The following F8 variants were observed in gnomAD, a reference collection of about 807,000 sequenced individuals.
F8 encodes coagulation factor VIII.
Under a neutral mutation model 140.6 loss-of-function variants are expected in F8, and 12 were observed. The ratio of observed to expected loss-of-function variants is 0.09; its 90% confidence interval spans 0.05 to 0.14. F8 has a LOEUF of 0.14. Among genes scored for constraint, F8 ranks in the 10% least tolerant of loss-of-function variants. F8 has a pLI of 1.00. For missense variants in F8, 1,354 were observed against 1,720.7 expected (o/e 0.79, Z 3.77); for synonymous variants, 585 against 614.6 (o/e 0.95, Z 0.71).
At chrX:154,955,411 G>A (rs1436087303) in intron 11 of F8, among the ~76,000 whole-genome samples, 5 of 100,459 alleles carry the variant, frequency 5.0e-5, no homozygotes, top group African/African-American at 1.1e-4. Context: ...CTCCTGTCTC[G>A]GCCTCCCAAA....
chrX:154,956,880 A>C, intron 11 of F8, 77 bp downstream of exon 11: 1 of 875,454 alleles, frequency 1.1e-6, no homozygotes, highest in Non-Finnish European at 1.7e-6. Flanking sequence ...TATATTGCAA[A>C]CCATTATATT....
At chrX:154,983,255 T>C (rs1557283904) in intron 6 of F8, among the ~76,000 whole-genome samples, 1 of 112,504 alleles carries the variant, frequency 8.9e-6, no homozygotes, top group Admixed American at 9.4e-5. Flanking sequence ...TTTTTATTGA[T>C]GTAAAATATA....
chrX:154,844,636 G>A (rs782449165), intron 25 of F8, among the ~76,000 whole-genome samples: 36 of 111,423 alleles, frequency 3.2e-4, no homozygotes, highest in African/African-American at 1.0e-3. Flanking sequence ...TTTGCACATT[G>A]ATTTTGTATC....
In F8 at chrX:154,930,767, G is replaced by T; in HGVS notation, c.3023C>A (p.Ala1008Asp). The T allele has an allele frequency of 1.7e-6, 2 of 1,210,168 alleles. No individual in the cohort carries two copies. Among genetic ancestry groups the T allele is most frequent in the Non-Finnish European group, 2.2e-6 (2 of 894,188 alleles). Residue 1008 changes from alanine (A) to aspartate (D), a missense_variant, in exon 14 of 26, where the codon GCC (alanine) becomes GAC (aspartate). Physicochemically the swap from Ala to Asp is moderately radical, Grantham distance 126. Around this residue, in one of 4 missense-constraint regions of F8, gnomAD observed 658 missense variants for 666.5 expected, o/e 0.99. Coordinates refer to ENST00000360256, the MANE Select transcript of F8 (RefSeq NM_000132.4). ...CAAAGAGATGCTAACTTTGAATAAGGCATTATCTTTAGTCAACAAAGCAGG... is the reference window on the plus strand; with the variant it reads ...CAAAGAGATGCTAACTTTGAATAAGTCATTATCTTTAGTCAACAAAGCAGG... ...HGPALLTKDN[A>D]LFKVSISLLK...
At chrX:154,978,631 T>C (rs2073500478) in intron 6 of F8, among the ~76,000 whole-genome samples, 1 of 112,084 alleles carries the variant, frequency 8.9e-6, no homozygotes. Flanking sequence ...TACAGAATTA[T>C]TGTGCTCCTT....
chrX:154,972,299 T>G (rs2073460357), intron 6 of F8, among the ~76,000 whole-genome samples: 2 of 112,126 alleles, frequency 1.8e-5, no homozygotes, highest in South Asian at 3.7e-4. Context: ...TTCATATACC[T>G]GTTGGCCATT....
chrX:154,910,140 G>A lies in F8; in HGVS notation c.5220-3567C>T, dbSNP rs191521679. 5.4e-5 allele frequency among the ~76,000 whole-genome samples: 6 copies of A among 111,530 alleles called. No homozygotes were observed. In the East Asian group the frequency reaches 1.4e-3, roughly 26 times the overall value. ...ACCCTGTGCTCGCAGAGACATGTGC[G>A]GTGTTGAGTCAAGGTTTAATGGATT... On this transcript the variant is annotated intron_variant, in intron 14 of 25. Coordinates refer to ENST00000360256, the MANE Select transcript of F8 (RefSeq NM_000132.4).
At position 154,904,832 on chromosome X, in the gene F8, A is replaced by C; in HGVS notation, c.5565T>G (p.Ala1855=). The C allele has an allele frequency of 8.3e-7, 1 of 1,211,415 alleles. No individual in the cohort carries two copies. Among genetic ancestry groups the C allele is most frequent in the Non-Finnish European group, 1.1e-6 (1 of 895,101 alleles). The part of the protein sequence containing the change: ...TKDEFDCKAW[A]YFSDVDLEKD... ...TTACCAGGTCAACATCAGAGAAATA[A>C]GCCCAGGCTTTGCAGTCAAACTCAT... The change falls in exon 16 of 26, where the codon GCT becomes GCG. Residue 1855 remains alanine (A), a synonymous_variant. Transcript: ENST00000360256.
intron 22 of F8, among the ~76,000 whole-genome samples, chrX:154,876,432 A>G (rs782622950): frequency 8.9e-6 from 1 of 111,820 alleles, no homozygotes; most frequent in South Asian, 3.7e-4. Flanking sequence ...AATTTTAAAA[A>G]ATTATTCTGC....
intron 16 of F8, 102 bp from the exon 17 acceptor site, chrX:154,904,626 C>T: frequency 1.2e-6 from 1 of 823,107 alleles, no homozygotes; most frequent in East Asian, 3.2e-5. Context: ...TGCCTCCCAC[C>T]TTCCAAAAAT....
At chrX:154,868,972 A>T (rs782366825) in intron 22 of F8, among the ~76,000 whole-genome samples, 92 of 112,057 alleles carry the variant, frequency 8.2e-4, no homozygotes, top group Non-Finnish European at 1.6e-3. Context: ...ATAATGGTAA[A>T]GGGAAAAATG....
At chrX:154,879,659 C>T (rs1291421437) in intron 22 of F8, among the ~76,000 whole-genome samples, 2 of 111,715 alleles carry the variant, frequency 1.8e-5, no homozygotes, top group Admixed American at 9.5e-5. Flanking sequence ...GTAGGTTAGC[C>T]GCTGATATGG....
rs1192177437 is a variant in F8, at chrX:154,966,418, G to C, written c.1271+8C>G. ...AAGAGAGAGTACCAATAGTCAAAAA[G>C]TGCTTACCTGTCATCGGGGGCGAGG... On this transcript the variant is annotated splice_region_variant and intron_variant, in intron 8 of 25. Transcript: ENST00000360256. The C allele has an allele frequency of 8.3e-7, 1 of 1,209,050 alleles. No homozygotes were observed. Among genetic ancestry groups the C allele is most frequent in the Non-Finnish European group, 1.1e-6 (1 of 894,804 alleles).
At chrX:154,923,631 T>TA (rs2073143992) in intron 14 of F8, among the ~76,000 whole-genome samples, 1 of 112,255 alleles carries the variant, frequency 8.9e-6, no homozygotes, top group Non-Finnish European at 1.9e-5. Context: ...GGTCAGGAGT[T>TA]AGAGACCAGT....
chrX:155,001,664 A>C (rs1350292815), intron 1 of F8, among the ~76,000 whole-genome samples: 1 of 110,797 alleles, frequency 9.0e-6, no homozygotes, highest in Admixed American at 9.5e-5. Context: ...CTGTAATCCC[A>C]GTACTTTGGG....
At chrX:154,994,101 G>A (rs1557284899) in intron 3 of F8, among the ~76,000 whole-genome samples, 4 of 112,326 alleles carry the variant, frequency 3.6e-5, no homozygotes, top group African/African-American at 1.3e-4. Flanking sequence ...GGTGGAATTT[G>A]AGATGAATCT....
intron 14 of F8, chrX:154,919,229 C>T (rs1250639976): frequency 1.8e-5 from 2 of 111,957 alleles, no homozygotes; most frequent in Non-Finnish European, 3.7e-5. Context: ...TGATACTTAT[C>T]TCTATTTATC....
At chrX:154,839,734 CT>C (rs782593238) in intron 25 of F8, among the ~76,000 whole-genome samples, 2 of 111,646 alleles carry the variant, frequency 1.8e-5, no homozygotes, top group East Asian at 5.6e-4. Flanking sequence ...CATTCAGTAT[CT>C]TTTCCTTTAT....
chrX:154,903,803 T>C, intron 18 of F8, 103 bp downstream of exon 18: 1 of 675,092 alleles, frequency 1.5e-6, no homozygotes, highest in Non-Finnish European at 2.4e-6. Context: ...AGCATGGAGC[T>C]TGTCTGCTTT....
Sources: gnomAD v4.1 joint callset for allele counts (sites outside exome capture counted in the v4.1 genomes callset) on GRCh38, gnomAD v4.1.1 for gene constraint, gnomAD v4.1.1 regional missense constraint, MANE v1.5 for transcripts, NCBI Gene and HGNC (gene_info 2026-07-23, HGNC 2026-07-21) for gene names.